Variants in DNAH12 observed in about 807,000 individuals in gnomAD.
The protein encoded by DNAH12 is dynein axonemal heavy chain 12.
In DNAH12, 285 loss-of-function variants were observed where a neutral mutation model predicts 371.5. That is an observed-to-expected ratio of 0.77 (90% CI 0.70 to 0.85). The LOEUF (loss-of-function observed/expected upper bound fraction) is 0.85. Among genes scored for constraint, DNAH12 ranks in the 40% least tolerant of loss-of-function variants. The pLI, the probability that DNAH12 is intolerant of heterozygous loss-of-function variation, is 0.00. For missense variants in DNAH12, 3,611 were observed against 3,689.4 expected (o/e 0.98, Z 0.55); for synonymous variants, 1,200 against 1,213.0 (o/e 0.99, Z 0.22).
Position 57,421,551 on chromosome 3 carries a change from A to T in DNAH12, c.5529T>A (p.Asp1843Glu). ...DSVGKWECPF[D>E]EKGLVYDYMY... ...TGTAGTCATAGACCAGGCCTTTTTC[A>T]TCAAATGGGCATTCCCATTTACCCA... Residue 1843 changes from aspartate to glutamate, a missense_variant, in exon 36 of 74, where the codon GAT (aspartate) becomes GAA (glutamate). Physicochemically the swap from Asp to Glu is conservative, Grantham distance 45 (BLOSUM62 2). This residue lies in a region of DNAH12 where 2,266 missense variants were observed against 2,236.9 expected (regional missense o/e 1.01). Coordinates refer to ENST00000495027, the MANE Select transcript of DNAH12 (RefSeq NM_001366028.2). The T allele has an allele frequency of 6.4e-7, 1 of 1,551,632 alleles. No homozygotes were observed. Among genetic ancestry groups the T allele is most frequent in the Non-Finnish European group, 8.7e-7 (1 of 1,146,976 alleles).
intron 30 of DNAH12, among the ~76,000 whole-genome samples, chr3:57,436,292 T>C (rs957620560): frequency 1.3e-5 from 2 of 152,084 alleles, no homozygotes; most frequent in Non-Finnish European, 2.9e-5. Context: ...GTATAATAAA[T>C]CACATATACA....
At chr3:57,503,864 C>A (rs4681992) in intron 9 of DNAH12, 152 bp downstream of exon 9, 322,602 of 623,164 alleles carry the variant, frequency 0.52, 85,529 homozygotes, top group Middle Eastern at 0.64. Flanking sequence ...AGCCTTCAAG[C>A]GACTTTTTCA....
In DNAH12 at chr3:57,439,096, G is replaced by A. The variant is rs376486787; in HGVS notation, c.4546-2036C>T. ...GAAAAACATCCCATGCTCATGGATT[G>A]GAAGAATGAATATTGTTAAAATGGC... On this transcript the variant is annotated intron_variant, in intron 29 of 73. Coordinates refer to ENST00000495027, the MANE Select transcript of DNAH12 (RefSeq NM_001366028.2). Among the ~76,000 whole-genome samples the A allele has an allele frequency of 3.0e-4, 46 of 152,182 alleles. No homozygotes were observed. In the East Asian group the frequency reaches 7.5e-3, roughly 25 times the overall value.
chr3:57,355,229 C>A (rs1024985655), intron 59 of DNAH12, among the ~76,000 whole-genome samples: 28 of 152,014 alleles, frequency 1.8e-4, no homozygotes, highest in Non-Finnish European at 2.9e-5. Context: ...ATACATAGGA[C>A]CATGGGAATG....
At chr3:57,533,467 A>G (rs56264120) in intron 2 of DNAH12, among the ~76,000 whole-genome samples, 42,684 of 151,754 alleles carry the variant, frequency 0.28, 7,192 homozygotes, top group East Asian at 0.43. Flanking sequence ...AATTTCAGAC[A>G]AGCCAGCATG....
chr3:57,523,738 A>T, intron 3 of DNAH12, 65 bp downstream of exon 3: 1 of 1,434,352 alleles, frequency 7.0e-7, no homozygotes, highest in Non-Finnish European at 9.4e-7. Context: ...TTATATTGAG[A>T]TTGTCTTAAC....
chr3:57,334,472 G>C lies in DNAH12; in HGVS notation c.9971C>G (p.Pro3324Arg). Residue 3324 changes from proline (P) to arginine (R), a missense_variant, in exon 62 of 74, where the codon CCT becomes CGT. Coordinates refer to ENST00000495027, the MANE Select transcript of DNAH12 (RefSeq NM_001366028.2). ...QKIIILRCLR[P>R]DKITPAITNY... is the part of the protein sequence containing the mutation. The stretch of plus-strand genomic sequence containing the variant: ...AACACATTGGTCTTTTACCTTATCA[G>C]GTCTTAAACACCGAAGAATTATTAT... 1 of 1,547,002 alleles carries C rather than the reference G, an allele frequency of 6.5e-7. No homozygotes were observed. Among genetic ancestry groups the C allele is most frequent in the Non-Finnish European group, 8.7e-7 (1 of 1,146,108 alleles).
rs549467276 is a variant in DNAH12, at chr3:57,324,495, G to T, written c.9979-876C>A. On this transcript the variant is annotated intron_variant, in intron 62 of 73. Coordinates refer to ENST00000495027, the MANE Select transcript of DNAH12 (RefSeq NM_001366028.2). Reference sequence around the variant, plus strand: ...TTGGATGAGATTAATATTTAAATTAGTAGATATGGAGTAAGGCAGATTGCC... The same window carrying T: ...TTGGATGAGATTAATATTTAAATTATTAGATATGGAGTAAGGCAGATTGCC... Among the ~76,000 whole-genome samples, 163 of 152,244 alleles carry T rather than the reference G, an allele frequency of 1.1e-3. 1 individual carries two copies. The highest frequency in any genetic ancestry group is 3.9e-3 in the African/African-American group (160 of 41,556).
intron 34 of DNAH12, among the ~76,000 whole-genome samples, chr3:57,427,197 C>A (rs1053350860): frequency 3.5e-5 from 5 of 142,054 alleles, no homozygotes; most frequent in African/African-American, 1.3e-4. Context: ...AATGGTTGAA[C>A]AATGGTCCCC....
chr3:57,478,168 G>A (rs531477857), intron 13 of DNAH12, among the ~76,000 whole-genome samples: 189 of 152,074 alleles, frequency 1.2e-3, no homozygotes, highest in African/African-American at 4.5e-3. Flanking sequence ...AGAAGTTAAA[G>A]ACCTTGAAAA....
chr3:57,294,028 C>G, intron 73 of DNAH12, 57 bp from the exon 74 acceptor site: 2 of 1,330,212 alleles, frequency 1.5e-6, no homozygotes, highest in South Asian at 1.9e-5. Flanking sequence ...GCCATTGGTA[C>G]GAAAAGAACT....
chr3:57,296,394 A>C lies in DNAH12; in HGVS notation c.11574T>G (p.Gly3858=), dbSNP rs2061233429. Residue 3858 remains glycine (G), a synonymous_variant, in exon 72 of 74, where the codon GGT becomes GGG. Transcript: ENST00000495027. ...CGAGATACAGTCCGTGGATATAAAC[A>C]CCATCTTCTGGTGATGTGTCAGATG... is the stretch of plus-strand genomic sequence containing the variant. ...SDTSDTSPED[G]VYIHGLYLDG... The C allele has an allele frequency of 2.6e-6, 4 of 1,551,012 alleles. No homozygotes were observed. The Admixed American group carries it at 7.8e-5, about 30-fold the overall frequency.
At chr3:57,312,468 T>A (rs888060509) in intron 66 of DNAH12, among the ~76,000 whole-genome samples, 4 of 152,180 alleles carry the variant, frequency 2.6e-5, no homozygotes, top group African/African-American at 9.7e-5. Context: ...CTTAGCCCCA[T>A]CAGTTTTCTG....
chr3:57,420,908 C>CAAAAAAAAAAAA (rs369971376), intron 36 of DNAH12, among the ~76,000 whole-genome samples: 39 of 77,834 alleles, frequency 5.0e-4, no homozygotes, highest in East Asian at 9.5e-4. Flanking sequence ...GACTCCGTCT[C>CAAAAAAAAAAAA]AAAAAAAAAA....
At chr3:57,484,435 T>C (rs2066858866) in intron 12 of DNAH12, among the ~76,000 whole-genome samples, 1 of 152,046 alleles carries the variant, frequency 6.6e-6, no homozygotes. Context: ...TGATAAAGCA[T>C]ACAAAAACAT....
At chr3:57,470,719 G>A (rs1575646924) in intron 15 of DNAH12, 83 bp from the exon 16 acceptor site, 1 of 1,154,654 alleles carries the variant, frequency 8.7e-7, no homozygotes, top group Non-Finnish European at 1.2e-6. Context: ...TGTACAATAT[G>A]TCCTTGTATT....
At chr3:57,546,879 G>A (rs920903120), upstream of DNAH12, among the ~76,000 whole-genome samples, 1 of 152,082 alleles carries the variant, frequency 6.6e-6, no homozygotes, top group African/African-American at 2.4e-5. Flanking sequence ...CTGGCAAAGT[G>A]GATCAACCCT....
the DNAH12 span, among the ~76,000 whole-genome samples, chr3:57,555,175 C>G: frequency 6.6e-6 from 1 of 152,000 alleles, no homozygotes; most frequent in African/African-American, 2.4e-5. Flanking sequence ...ACTCTGGAAG[C>G]CGAAGTTGCA....
chr3:57,428,800 CACA>C lies in DNAH12; in HGVS notation c.5083_5085del (p.Cys1695del), dbSNP rs758507022. The C allele has an allele frequency of 6.5e-6, 10 of 1,539,470 alleles. No homozygotes were observed. The highest frequency in any genetic ancestry group is 8.7e-6 in the Non-Finnish European group (10 of 1,143,852). ...TGTGAAGGCTCCAAATAAATCATAC[CACA>C]ACGACTTACAGTGGCAGGCTAGAGA... is the stretch of plus-strand genomic sequence containing the variant. On this transcript the variant is annotated inframe_deletion, in exon 34 of 74. Coordinates refer to ENST00000495027, the MANE Select transcript of DNAH12 (RefSeq NM_001366028.2).
Sources: gnomAD v4.1 joint callset for allele counts (sites outside exome capture counted in the v4.1 genomes callset) on GRCh38, gnomAD v4.1.1 for gene constraint, gnomAD v4.1.1 regional missense constraint, MANE v1.5 for transcripts, NCBI Gene and HGNC (gene_info 2026-07-23, HGNC 2026-07-21) for gene names.